PTPRD: variants seen among roughly 807,000 people sequenced by gnomAD.
PTPRD encodes the protein receptor-type tyrosine-protein phosphatase delta.
Under a neutral mutation model 214.5 loss-of-function variants are expected in PTPRD, and 34 were observed. That is an observed-to-expected ratio of 0.16 (90% CI 0.12 to 0.21). The LOEUF is 0.21. Ranked by LOEUF, PTPRD falls within the 10% of genes least tolerant of loss-of-function variation. The pLI, the probability that PTPRD is intolerant of heterozygous loss-of-function variation, is 1.00. For synonymous variants in PTPRD, 1,128 were observed against 845.7 expected (o/e 1.33, Z -5.79); for missense variants, 2,545 against 2,398.7 (o/e 1.06, Z -1.27).
intron 11 of PTPRD, among the ~76,000 whole-genome samples, chr9:8,891,376 C>T (rs1048066026): frequency 6.6e-6 from 1 of 151,924 alleles, no homozygotes; most frequent in African/African-American, 2.4e-5. Flanking sequence ...TCGTGATCCG[C>T]CCGCCTCGGC....
chr9:9,545,721 G>T (rs879801354), intron 8 of PTPRD, among the ~76,000 whole-genome samples: 3 of 151,698 alleles, frequency 2.0e-5, no homozygotes, highest in South Asian at 2.1e-4. Flanking sequence ...TAGGTGTATT[G>T]TATATCTTGA....
At chr9:9,263,654 C>A (rs2099981113) in intron 9 of PTPRD, among the ~76,000 whole-genome samples, 1 of 151,562 alleles carries the variant, frequency 6.6e-6, no homozygotes, top group African/African-American at 2.4e-5. Context: ...TGTTTAAAGT[C>A]ATCATATTGA....
At chr9:9,077,186 C>A (rs2099752506) in intron 10 of PTPRD, among the ~76,000 whole-genome samples, 1 of 147,714 alleles carries the variant, frequency 6.8e-6, no homozygotes. Context: ...GTTGGTTGAG[C>A]TCCTTATATA....
At chr9:9,960,156 G>T (rs923211272) in intron 4 of PTPRD, among the ~76,000 whole-genome samples, 2 of 149,384 alleles carry the variant, frequency 1.3e-5, no homozygotes, top group African/African-American at 2.5e-5. Context: ...GTGGCAGAAT[G>T]CAAGGACATA....
intron 8 of PTPRD, among the ~76,000 whole-genome samples, chr9:9,407,982 A>C (rs1033090888): frequency 6.6e-6 from 1 of 151,792 alleles, no homozygotes; most frequent in Non-Finnish European, 1.5e-5. Flanking sequence ...TATTGACCTT[A>C]TAAGAACAGG....
chr9:9,574,112 A>G (rs1416882765), intron 8 of PTPRD, among the ~76,000 whole-genome samples: 2 of 151,940 alleles, frequency 1.3e-5, no homozygotes, highest in Non-Finnish European at 2.9e-5. Flanking sequence ...CAGTTTCAAA[A>G]CACAAATAAA....
chr9:9,920,203 G>A (rs1443441389), intron 5 of PTPRD, among the ~76,000 whole-genome samples: 1 of 152,086 alleles, frequency 6.6e-6, no homozygotes, highest in East Asian at 1.9e-4. Context: ...AACGTTGAAG[G>A]ATATTAGAAA....
intron 3 of PTPRD, among the ~76,000 whole-genome samples, chr9:10,058,709 G>A (rs184336415): frequency 1.4e-4 from 22 of 152,128 alleles, no homozygotes; most frequent in East Asian, 3.9e-4. Context: ...TTATTTAATG[G>A]AACATTCAAA....
intron 10 of PTPRD, among the ~76,000 whole-genome samples, chr9:9,044,580 C>T (rs1015932581): frequency 5.3e-5 from 8 of 152,144 alleles, no homozygotes; most frequent in African/African-American, 1.9e-4. Context: ...GAGTGGCTGT[C>T]TAACTAAATA....
At chr9:9,529,336 C>G (rs1590840079) in intron 8 of PTPRD, among the ~76,000 whole-genome samples, 3 of 141,716 alleles carry the variant, frequency 2.1e-5, no homozygotes, top group African/African-American at 7.8e-5. Context: ...AGACTAGTAA[C>G]AAAATAAAAG....
intron 11 of PTPRD, among the ~76,000 whole-genome samples, chr9:8,923,400 G>A (rs13301213): frequency 0.068 from 10,305 of 151,574 alleles, 489 homozygotes; most frequent in East Asian, 0.2. Context: ...GCAATAAAAC[G>A]AGTCATACCA....
chr9:10,348,468 C>G (rs2097127862), intron 2 of PTPRD, among the ~76,000 whole-genome samples: 1 of 152,128 alleles, frequency 6.6e-6, no homozygotes, highest in African/African-American at 2.4e-5. Flanking sequence ...TTACGTGGTG[C>G]ACATCAACAC....
chr9:9,237,178 T>C (rs1043733884), intron 9 of PTPRD, among the ~76,000 whole-genome samples: 1 of 152,170 alleles, frequency 6.6e-6, no homozygotes, highest in Non-Finnish European at 1.5e-5. Flanking sequence ...TGATTCCTGA[T>C]AGGAAGGAGC....
At chr9:10,566,793 GTTT>G (rs2065776646) in intron 2 of PTPRD, among the ~76,000 whole-genome samples, 1 of 151,994 alleles carries the variant, frequency 6.6e-6, no homozygotes, top group Admixed American at 6.6e-5. Flanking sequence ...CATCTTCCAA[GTTT>G]TTAAGTAACT....
chr9:9,169,316 G>C (rs1171521944), intron 10 of PTPRD, among the ~76,000 whole-genome samples: 3 of 152,170 alleles, frequency 2.0e-5, no homozygotes, highest in East Asian at 3.9e-4. Context: ...CCACACTAAA[G>C]TTCCTATACT....
At chr9:8,594,365 TCTC>T (rs2094339831) in intron 14 of PTPRD, among the ~76,000 whole-genome samples, 2 of 152,200 alleles carry the variant, frequency 1.3e-5, no homozygotes, top group Admixed American at 1.3e-4. Flanking sequence ...TTATCAAAGA[TCTC>T]CTAAGAATCT....
chr9:8,484,525 T>C (rs2096955649), intron 29 of PTPRD, 147 bp from the exon 30 acceptor site: 1 of 781,796 alleles, frequency 1.3e-6, no homozygotes. Flanking sequence ...TAGTCATAAT[T>C]CTGGAGATCA....
intron 32 of PTPRD, 126 bp downstream of exon 32, chr9:8,465,340 T>C (rs1437857286): frequency 3.6e-6 from 3 of 824,812 alleles, no homozygotes; most frequent in South Asian, 1.7e-5. Flanking sequence ...CAGCCTGTTA[T>C]TACACTTAAT....
intron 10 of PTPRD, among the ~76,000 whole-genome samples, chr9:9,105,531 C>G (rs1053215503): frequency 2.6e-5 from 4 of 152,156 alleles, no homozygotes; most frequent in African/African-American, 9.6e-5. Flanking sequence ...CTCTCAGACT[C>G]AGCATATTGT....
Sources: gnomAD v4.1 joint callset for allele counts (sites outside exome capture counted in the v4.1 genomes callset) on GRCh38, gnomAD v4.1.1 for gene constraint, MANE v1.5 for transcripts, NCBI Gene and HGNC (gene_info 2026-07-23, HGNC 2026-07-21) for gene names.